DDX52: variants seen among roughly 807,000 people sequenced by gnomAD.
DDX52 encodes the protein probable ATP-dependent RNA helicase DDX52.
Under a neutral mutation model 76.1 loss-of-function variants are expected in DDX52, and 59 were observed. The observed-to-expected ratio is 0.78, with a 90% CI of 0.63 to 0.96. The LOEUF (loss-of-function observed/expected upper bound fraction) is 0.96. Ranked by LOEUF, DDX52 falls within the 40% of genes least tolerant of loss-of-function variation. DDX52 has a pLI of 0.00. For synonymous variants in DDX52, 231 were observed against 244.1 expected (o/e 0.95, Z 0.50); for missense variants, 707 against 703.9 (o/e 1.00, Z -0.05).
At chr17:37,634,075 G>C (rs1327807100) in intron 2 of DDX52, among the ~76,000 whole-genome samples, 4 of 151,144 alleles carry the variant, frequency 2.6e-5, no homozygotes, top group African/African-American at 4.9e-5. Flanking sequence ...CTCCCAAGTA[G>C]CTGGGATTAC....
chr17:37,618,211 A>T, intron 14 of DDX52, 81 bp downstream of exon 14: 1 of 1,133,444 alleles, frequency 8.8e-7, no homozygotes, highest in Admixed American at 2.7e-5. Context: ...TTCTACTTCT[A>T]AAAATTTACC....
rs900973565 is a variant in DDX52 at position 37,611,361 on chromosome 17, T to C, written c.*2935A>G. 1 of 151,718 alleles carries C rather than the reference T, an allele frequency of 6.6e-6. No individual in the cohort carries two copies. The highest frequency in any genetic ancestry group is 1.9e-4 in the East Asian group (1 of 5,190). The allele number at this position is 151,718 out of a possible 1,614,324, so 9.4% of individuals were successfully genotyped here. On this transcript the variant is annotated 3_prime_UTR_variant, in exon 15 of 15. Coordinates refer to ENST00000617633, the MANE Select transcript of DDX52 (RefSeq NM_007010.5). ...ACAAAAAAGTTTTAGAAGTAAATAG[T>C]AAAACAAAACAAACAAACAAAAATT...
intron 12 of DDX52, chr17:37,620,089 A>C: frequency 2.5e-6 from 1 of 396,406 alleles, no homozygotes. Context: ...AAGCCCTACA[A>C]AACTGGTAAA....
rs556526856 is a variant in DDX52 at position 37,633,098 on chromosome 17, A to T, written c.417+190T>A. 2.6e-5 allele frequency among the ~76,000 whole-genome samples: 4 copies of T among 152,356 alleles called. No homozygotes were observed. The South Asian group carries it at 8.3e-4, about 32-fold the overall frequency. ...ATATGTATCAGCAATTTAAACTTTAAAATGTTCACCCACAGCACAAATGCC... is the reference window on the plus strand; with the variant it reads ...ATATGTATCAGCAATTTAAACTTTATAATGTTCACCCACAGCACAAATGCC... On this transcript the variant is annotated intron_variant, in intron 3 of 14. Coordinates refer to ENST00000617633, the MANE Select transcript of DDX52 (RefSeq NM_007010.5).
At chr17:37,633,210 C>A (rs1035506905) in intron 3 of DDX52, 78 bp downstream of exon 3, 5 of 1,404,508 alleles carry the variant, frequency 3.6e-6, no homozygotes, top group Middle Eastern at 2.8e-4. Flanking sequence ...ACATTAACAA[C>A]AGAATAACCC....
intron 9 of DDX52, chr17:37,623,947 C>CA (rs1212352487): frequency 1.3e-5 from 2 of 153,652 alleles, no homozygotes; most frequent in Non-Finnish European, 2.9e-5. Flanking sequence ...AAACCCCACT[C>CA]AGTGTCCTAC....
chr17:37,630,321 TCATC>T, intron 4 of DDX52, 148 bp from the exon 5 acceptor site: 2 of 912,774 alleles, frequency 2.2e-6, no homozygotes, highest in Non-Finnish European at 3.1e-6. Context: ...TTTCCTAACA[TCATC>T]CATCCATGCC....
intron 5 of DDX52, among the ~76,000 whole-genome samples, chr17:37,629,105 C>CA (rs2147354251): frequency 6.6e-6 from 1 of 152,032 alleles, no homozygotes; most frequent in East Asian, 1.9e-4. Context: ...CCTGTAATCT[C>CA]AGTTACTTGG....
intron 2 of DDX52, 115 bp from the exon 3 acceptor site, chr17:37,633,533 G>A: frequency 1.3e-6 from 1 of 770,238 alleles, no homozygotes; most frequent in Non-Finnish European, 1.7e-6. Context: ...GTGCAAGCCT[G>A]TAGTCCCAGC....
intron 2 of DDX52, among the ~76,000 whole-genome samples, chr17:37,635,978 G>T (rs1188931660): frequency 6.6e-6 from 1 of 152,106 alleles, no homozygotes; most frequent in African/African-American, 2.4e-5. Context: ...ATCACCATGT[G>T]TATTATCTTC....
chr17:37,640,668 G>T lies in DDX52; in HGVS notation c.286+1442C>A, dbSNP rs2031147173. Among the ~76,000 whole-genome samples the T allele has an allele frequency of 2.2e-5, 3 of 136,854 alleles. No homozygotes were observed. In the South Asian group the frequency reaches 7.1e-4, roughly 33 times the overall value. 89.8% of individuals were successfully genotyped at this position (136,854 alleles called of 152,430 possible). On this transcript the variant is annotated intron_variant, in intron 2 of 14. Transcript: ENST00000617633. ...ATTATAGATTAAAAAAATATAAACA[G>T]CCCTAGAGTACAGTACAAGAAAAAA...
rs1231293158 is a variant in DDX52, at chr17:37,642,208, T to C, written c.188A>G (p.Gln63Arg). 1 of 1,614,078 alleles carries C rather than the reference T, an allele frequency of 6.2e-7. No individual in the cohort carries two copies. The highest frequency in any genetic ancestry group is 2.2e-5 in the East Asian group (1 of 44,888). Reference sequence around the variant, plus strand: ...TCCATTTTGGGGCTTCTGATGTGTTTGTGATGCTCCACACACACCTGGGAC... The same window carrying C: ...TCCATTTTGGGGCTTCTGATGTGTTCGTGATGCTCCACACACACCTGGGAC... ...KSVPGVCGAS[Q>R]THQKPQNGEK... is the part of the protein sequence containing the mutation. The change falls in exon 2 of 15, where the codon CAA becomes CGA. Residue 63 changes from glutamine (Q) to arginine (R), a missense_variant. Physicochemically the swap from Gln to Arg is conservative, Grantham distance 43. Transcript: ENST00000617633.
intron 2 of DDX52, among the ~76,000 whole-genome samples, chr17:37,640,692 A>G (rs1315234571): frequency 7.4e-6 from 1 of 135,062 alleles, no homozygotes; most frequent in African/African-American, 2.8e-5. Flanking sequence ...TACAAGAAAA[A>G]AAAAAAAAAA....
At chr17:37,626,714 A>G (rs912451437) in intron 7 of DDX52, 74 bp downstream of exon 7, 5 of 1,455,594 alleles carry the variant, frequency 3.4e-6, no homozygotes, top group Admixed American at 1.9e-5. Flanking sequence ...GACAAAAAAT[A>G]CAAGCAATAG....
chr17:37,615,439 AG>A (rs2064413219), intron 14 of DDX52, among the ~76,000 whole-genome samples: 2 of 152,156 alleles, frequency 1.3e-5, no homozygotes. Context: ...CCATGTTGGG[AG>A]GCAGAGGTAG....
At position 37,611,862 on chromosome 17, in the gene DDX52, G is replaced by A. The variant is rs1389543940; in HGVS notation, c.*2434C>T. The A allele has an allele frequency of 6.0e-5, 9 of 150,450 alleles. No individual in the cohort carries two copies. Among genetic ancestry groups the A allele is most frequent in the African/African-American group, 2.2e-4 (9 of 40,980 alleles). The allele number at this position is 150,450 out of a possible 1,614,324, so 9.3% of individuals were successfully genotyped here. A position where few individuals can be genotyped will look rare whatever the true frequency, so the allele number is the denominator to read the frequency against. On this transcript the variant is annotated 3_prime_UTR_variant, in exon 15 of 15. Coordinates refer to ENST00000617633, the MANE Select transcript of DDX52 (RefSeq NM_007010.5). ...TATAGTACCAGCTACTCGGGAGGCT[G>A]AGGTTTGAGGATCACTTGAGTCTAA...
intron 2 of DDX52, among the ~76,000 whole-genome samples, chr17:37,639,093 T>C (rs989856479): frequency 3.3e-5 from 5 of 151,898 alleles, no homozygotes; most frequent in Non-Finnish European, 7.4e-5. Context: ...AAAAACGTAA[T>C]GCGCAGAAGG....
intron 12 of DDX52, chr17:37,620,187 C>T (rs541574871): frequency 8.8e-5 from 19 of 215,360 alleles, no homozygotes; most frequent in Admixed American, 6.3e-4. Flanking sequence ...GGCACCGTTG[C>T]CAAGTTTTTT....
At chr17:37,631,875 A>G in intron 4 of DDX52, 1 of 565,868 alleles carries the variant, frequency 1.8e-6, no homozygotes, top group Non-Finnish European at 3.1e-6. Context: ...CACACCAAAT[A>G]CCATGGAAGA....
Sources: gnomAD v4.1 joint callset for allele counts (sites outside exome capture counted in the v4.1 genomes callset) on GRCh38, gnomAD v4.1.1 for gene constraint, MANE v1.5 for transcripts, NCBI Gene and HGNC (gene_info 2026-07-23, HGNC 2026-07-21) for gene names.